The following LRIG2 variants were observed in gnomAD, a reference collection of about 807,000 sequenced individuals.
LRIG2 encodes leucine rich repeats and immunoglobulin like domains 2.
In LRIG2, 93 loss-of-function variants were observed where a neutral mutation model predicts 107.8. The observed-to-expected ratio is 0.86, with a 90% CI of 0.73 to 1.03. LRIG2 has a LOEUF of 1.03. Ranked by LOEUF, LRIG2 falls within the 50% of genes least tolerant of loss-of-function variation. The pLI is 0.00. For synonymous variants in LRIG2, 471 were observed against 470.6 expected (o/e 1.00, Z -0.01); for missense variants, 1,226 against 1,296.0 (o/e 0.95, Z 0.83).
chr1:113,114,414 GT>G lies in LRIG2; in HGVS notation c.2081-9del, dbSNP rs753948184. 6.9e-7 allele frequency: 1 copy of G among 1,459,100 alleles called. No individual in the cohort carries two copies. Among genetic ancestry groups the G allele is most frequent in the Non-Finnish European group, 9.3e-7 (1 of 1,079,662 alleles). The allele number at this position is 1,459,100 out of a possible 1,614,324, so 90.4% of individuals were successfully genotyped here. A position where few individuals can be genotyped will look rare whatever the true frequency, so the allele number is the denominator to read the frequency against. On this transcript the variant is annotated splice_polypyrimidine_tract_variant and intron_variant, in intron 14 of 17. Transcript: ENST00000361127. ...ACTTTTCATTTTTTTTTTTTTTAAT[GT>G]TTTCCTGTTAGAGACACCCTCATTT... is the stretch of plus-strand genomic sequence containing the variant.
rs1344357074 is a variant in LRIG2, at chr1:113,131,544, C to T, written c.*7443C>T. On this transcript the variant is annotated 3_prime_UTR_variant, in exon 18 of 18. Transcript: ENST00000361127. ...TTTTGGCAACCTGCAAGTAATGTTT[C>T]ATTTTTCTATTACGTGATCTCTTTG... 6.6e-6 allele frequency: 1 copy of T among 152,118 alleles called. No homozygotes were observed. Among genetic ancestry groups the T allele is most frequent in the Non-Finnish European group, 1.5e-5 (1 of 68,028 alleles). 9.4% of individuals were successfully genotyped at this position (152,118 alleles called of 1,614,324 possible). A position where few individuals can be genotyped will look rare whatever the true frequency, so the allele number is the denominator to read the frequency against.
chr1:113,128,212 C>T lies in LRIG2; in HGVS notation c.*4111C>T, dbSNP rs1348429704. ...GCACTTCTTGAGCTGTTTAGTACTG[C>T]CACACCTTTTTATGTCTTTACTATG... On this transcript the variant is annotated 3_prime_UTR_variant, in exon 18 of 18. Transcript: ENST00000361127. 1 of 152,124 alleles carries T rather than the reference C, an allele frequency of 6.6e-6. No homozygotes were observed. The highest frequency in any genetic ancestry group is 2.4e-5 in the African/African-American group (1 of 41,424). The allele number at this position is 152,124 out of a possible 1,614,324, so 9.4% of individuals were successfully genotyped here. A position where few individuals can be genotyped will look rare whatever the true frequency, so the allele number is the denominator to read the frequency against.
At chr1:113,112,838 A>G (rs564601892) in intron 14 of LRIG2, 78 bp downstream of exon 14, 1 of 1,375,584 alleles carries the variant, frequency 7.3e-7, no homozygotes, top group Non-Finnish European at 9.8e-7. Context: ...AGCAAGAAAA[A>G]TAAGTTTGAG....
intron 13 of LRIG2, 31 bp downstream of exon 13, chr1:113,110,593 G>C: frequency 6.7e-7 from 1 of 1,484,522 alleles, no homozygotes; most frequent in Non-Finnish European, 9.2e-7. Flanking sequence ...ATTTTTTTTA[G>C]TTTAGAAGGA....
intron 13 of LRIG2, among the ~76,000 whole-genome samples, chr1:113,111,829 A>T (rs1444262806): frequency 6.6e-6 from 1 of 152,020 alleles, no homozygotes; most frequent in African/African-American, 2.4e-5. Context: ...CATTTTTGAG[A>T]TGGACTCTCA....
intron 8 of LRIG2, among the ~76,000 whole-genome samples, chr1:113,098,119 A>G (rs1220588480): frequency 6.6e-6 from 1 of 152,226 alleles, no homozygotes; most frequent in African/African-American, 2.4e-5. Context: ...AGAATGGAAC[A>G]GTGAATTTTA....
chr1:113,091,497 T>TA (rs1221953847), intron 2 of LRIG2, 114 bp downstream of exon 2: 2 of 622,750 alleles, frequency 3.2e-6, no homozygotes, highest in Non-Finnish European at 5.4e-6. Context: ...AGGAAAAAAT[T>TA]AGTTAAAAGA....
At chr1:113,117,411 G>T (rs1655066504) in intron 16 of LRIG2, among the ~76,000 whole-genome samples, 1 of 152,036 alleles carries the variant, frequency 6.6e-6, no homozygotes, top group African/African-American at 2.4e-5. Flanking sequence ...ACTTTTTTAG[G>T]CTGGGTGTCA....
At chr1:113,094,858 A>C in intron 6 of LRIG2, 103 bp downstream of exon 6, 3 of 1,090,868 alleles carry the variant, frequency 2.8e-6, no homozygotes, top group Non-Finnish European at 3.9e-6. Flanking sequence ...AGATACATTC[A>C]TTCATTCCCT....
chr1:113,099,255 T>TTTTTTTTTTTG (rs59585603), intron 9 of LRIG2, among the ~76,000 whole-genome samples: 1 of 148,668 alleles, frequency 6.7e-6, no homozygotes, highest in African/African-American at 2.5e-5. Context: ...TTTTTTTTTT[T>TTTTTTTTTTTG]GAGACAGGGT....
At chr1:113,102,647 G>A (rs549009128) in intron 11 of LRIG2, among the ~76,000 whole-genome samples, 1 of 151,662 alleles carries the variant, frequency 6.6e-6, no homozygotes, top group South Asian at 2.1e-4. Context: ...AAAGCATATC[G>A]AATTTACAGT....
chr1:113,081,153 A>G (rs1653264648), intron 1 of LRIG2, among the ~76,000 whole-genome samples: 1 of 152,042 alleles, frequency 6.6e-6, no homozygotes, highest in African/African-American at 2.4e-5. Context: ...AAAAGTTATT[A>G]CTAACTCTGG....
chr1:113,099,244 CTTT>C (rs984786053), intron 9 of LRIG2, among the ~76,000 whole-genome samples: 1 of 117,944 alleles, frequency 8.5e-6, no homozygotes, highest in Admixed American at 1.0e-4. Flanking sequence ...TGGTTTTTTT[CTTT>C]TTTTTTTTGA....
At chr1:113,119,564 G>T in intron 17 of LRIG2, 41 bp downstream of exon 17, 1 of 1,581,382 alleles carries the variant, frequency 6.3e-7, no homozygotes, top group Non-Finnish European at 8.6e-7. Flanking sequence ...TTTTACTTTC[G>T]TCTAATTGAC....
chr1:113,077,373 C>T (rs1320334500), intron 1 of LRIG2, among the ~76,000 whole-genome samples: 1 of 152,128 alleles, frequency 6.6e-6, no homozygotes, highest in Non-Finnish European at 1.5e-5. Flanking sequence ...AACTCCTGAC[C>T]TCAGGTGATC....
At chr1:113,094,247 G>A in intron 4 of LRIG2, 92 bp from the exon 5 acceptor site, 1 of 830,634 alleles carries the variant, frequency 1.2e-6, no homozygotes, top group Non-Finnish European at 1.9e-6. Flanking sequence ...TGATAGAGCT[G>A]GGGGCTTAGA....
rs1445485858 is a variant in LRIG2, at chr1:113,129,387, C to T, written c.*5286C>T. 1 of 150,706 alleles carries T rather than the reference C, an allele frequency of 6.6e-6. No homozygotes were observed. The highest frequency in any genetic ancestry group is 1.5e-5 in the Non-Finnish European group (1 of 67,876). The allele number at this position is 150,706 out of a possible 1,614,324, so 9.3% of individuals were successfully genotyped here. A position where few individuals can be genotyped will look rare whatever the true frequency, so the allele number is the denominator to read the frequency against. Reference sequence around the variant, plus strand: ...GTGGTCCTTCTACTGACAGTGCTGTCAGAGTCTGGTCTCCTAAAGAGCCAG... The same window carrying T: ...GTGGTCCTTCTACTGACAGTGCTGTTAGAGTCTGGTCTCCTAAAGAGCCAG... On this transcript the variant is annotated 3_prime_UTR_variant, in exon 18 of 18. Coordinates refer to ENST00000361127, the MANE Select transcript of LRIG2 (RefSeq NM_014813.3).
chr1:113,092,973 G>C (rs1189489552), intron 2 of LRIG2, among the ~76,000 whole-genome samples: 11 of 143,480 alleles, frequency 7.7e-5, no homozygotes, highest in Admixed American at 4.9e-4. Flanking sequence ...TGGGCAAAAA[G>C]AATGAAACTC....
chr1:113,105,883 A>G (rs1361766961), intron 11 of LRIG2, among the ~76,000 whole-genome samples: 1 of 152,244 alleles, frequency 6.6e-6, no homozygotes, highest in Non-Finnish European at 1.5e-5. Flanking sequence ...GTTTAATAAC[A>G]ATATGTCAAC....
Sources: gnomAD v4.1 joint callset for allele counts (sites outside exome capture counted in the v4.1 genomes callset) on GRCh38, gnomAD v4.1.1 for gene constraint, MANE v1.5 for transcripts, NCBI Gene and HGNC (gene_info 2026-07-23, HGNC 2026-07-21) for gene names.